Variants in RBPJ observed in about 807,000 individuals in gnomAD.
RBPJ encodes the protein recombining binding protein suppressor of hairless.
RBPJ carries 9 observed loss-of-function variants against 67.8 expected under a neutral mutation model. That is an observed-to-expected ratio of 0.13 (90% CI 0.08 to 0.23). The LOEUF (loss-of-function observed/expected upper bound fraction) is 0.23. RBPJ is among the 10% of genes least tolerant of loss of function. RBPJ has a pLI of 1.00. For missense variants in RBPJ, 305 were observed against 595.6 expected (o/e 0.51, Z 5.08); for synonymous variants, 198 against 203.3 (o/e 0.97, Z 0.22).
intron 1 of RBPJ, among the ~76,000 whole-genome samples, chr4:26,267,949 T>TA (rs966958309): frequency 6.0e-5 from 9 of 150,912 alleles, no homozygotes; most frequent in South Asian, 4.2e-4. Flanking sequence ...GCCGAAGTCA[T>TA]AAAAAAAAAG....
At chr4:26,128,907 G>A in the RBPJ span, among the ~76,000 whole-genome samples, 273 of 152,232 alleles carry the variant, frequency 1.8e-3, no homozygotes, top group African/African-American at 2.9e-3. Context: ...CTTGTCTGCC[G>A]CCATGTAAGA....
chr4:26,270,432 AGAAAGAAG>A lies in RBPJ; in HGVS notation c.-166-92013_-166-92006del, dbSNP rs1560237987. On this transcript the variant is annotated intron_variant, in intron 1 of 4. Transcript: ENST00000512351. Reference sequence around the variant, plus strand: ...AAGAAAGAAAGAAAGAAAGAAAGAAAGAAAGAAGAAAGAAAGAAAGAAAGAAAAGAAAA... The same window carrying A: ...AAGAAAGAAAGAAAGAAAGAAAGAAAAAAGAAAGAAAGAAAGAAAAGAAAA... Among the ~76,000 whole-genome samples, 84 of 63,324 alleles carry A rather than the reference AGAAAGAAG, an allele frequency of 1.3e-3. 3 individuals are homozygous for A. Among genetic ancestry groups the A allele is most frequent in the Middle Eastern group, 0.01 (1 of 98 alleles). 41.5% of individuals were successfully genotyped at this position (63,324 alleles called of 152,430 possible).
At chr4:26,415,344 A>G (rs1734457789) in intron 3 of RBPJ, 131 bp from the exon 4 acceptor site, 1 of 805,004 alleles carries the variant, frequency 1.2e-6, no homozygotes, top group Non-Finnish European at 1.9e-6. Flanking sequence ...AGGCTTCACC[A>G]AAATTTTTCA....
rs1290572987 is a variant in RBPJ, at chr4:26,334,047, CT to C, written c.20+13012del. On this transcript the variant is annotated intron_variant, in intron 1 of 10. Coordinates refer to ENST00000355476, the MANE Select transcript of RBPJ (RefSeq NM_015874.6). ...AGTTAATCCAACTTTTCTGCCTTTT[CT>C]TTTTTTTTTTTTGATGGAGTCTCGC... Among the ~76,000 whole-genome samples, 692 of 142,228 alleles carry C rather than the reference CT, an allele frequency of 4.9e-3. 9 individuals carry two copies. Among genetic ancestry groups the C allele is most frequent in the Non-Finnish European group, 3.9e-3 (253 of 64,674 alleles). The allele number at this position is 142,228 out of a possible 152,430, so 93.3% of individuals were successfully genotyped here.
intron 7 of RBPJ, among the ~76,000 whole-genome samples, chr4:26,426,272 A>C (rs1165887781): frequency 6.6e-6 from 1 of 152,188 alleles, no homozygotes; most frequent in African/African-American, 2.4e-5. Context: ...TAGGAGGATG[A>C]TTCTGATCAC....
At chr4:26,309,559 A>C (rs1423182183) in intron 1 of RBPJ, among the ~76,000 whole-genome samples, 1 of 152,212 alleles carries the variant, frequency 6.6e-6, no homozygotes, top group Non-Finnish European at 1.5e-5. Flanking sequence ...AAACTTGCTC[A>C]AAGTTGGGCA....
chr4:26,139,022 G>A, the RBPJ span, among the ~76,000 whole-genome samples: 3 of 152,206 alleles, frequency 2.0e-5, no homozygotes, highest in Non-Finnish European at 2.9e-5. Context: ...AAAGGGCTGG[G>A]CCAGCTCAGG....
intron 3 of RBPJ, chr4:26,410,059 C>G: frequency 2.2e-6 from 1 of 455,158 alleles, no homozygotes; most frequent in Non-Finnish European, 4.4e-6. Context: ...TAGTAAAGGA[C>G]TGCTAATGCT....
intron 1 of RBPJ, among the ~76,000 whole-genome samples, chr4:26,353,546 C>CTT (rs1727022484): frequency 6.6e-6 from 1 of 151,332 alleles, no homozygotes; most frequent in African/African-American, 2.4e-5. Flanking sequence ...ATTAGACAAC[C>CTT]TTTTTATACT....
intron 1 of RBPJ, among the ~76,000 whole-genome samples, chr4:26,261,273 G>A (rs1720523307): frequency 6.6e-6 from 1 of 151,690 alleles, no homozygotes; most frequent in African/African-American, 2.4e-5. Flanking sequence ...GAAGGAATAG[G>A]AAGAAAAGAG....
chr4:26,361,454 T>G (rs1168012857), intron 1 of RBPJ, among the ~76,000 whole-genome samples: 2 of 152,136 alleles, frequency 1.3e-5, no homozygotes, highest in East Asian at 3.9e-4. Flanking sequence ...TCCTTAGCAC[T>G]TACTTTTTAG....
chr4:26,122,032 G>A, the RBPJ span, among the ~76,000 whole-genome samples: 2 of 151,862 alleles, frequency 1.3e-5, no homozygotes, highest in East Asian at 3.9e-4. Context: ...GCACATGATC[G>A]GTTCAGGCAT....
At chr4:26,247,905 G>A (rs978248370) in intron 1 of RBPJ, among the ~76,000 whole-genome samples, 2 of 152,030 alleles carry the variant, frequency 1.3e-5, no homozygotes, top group African/African-American at 4.8e-5. Flanking sequence ...TCACTATTTG[G>A]GTGATGGATT....
chr4:26,249,785 T>C (rs924444866), intron 1 of RBPJ, among the ~76,000 whole-genome samples: 2 of 150,420 alleles, frequency 1.3e-5, no homozygotes, highest in African/African-American at 4.9e-5. Context: ...TTCTCTTTTT[T>C]TTTTTCTTTT....
intron 2 of RBPJ, among the ~76,000 whole-genome samples, chr4:26,390,285 C>T (rs1292205845): frequency 6.6e-6 from 1 of 152,164 alleles, no homozygotes; most frequent in African/African-American, 2.4e-5. Flanking sequence ...GAAAAAACTA[C>T]ATTTAACAAC....
At chr4:26,180,069 G>A (rs1247333816) in intron 1 of RBPJ, among the ~76,000 whole-genome samples, 1 of 152,022 alleles carries the variant, frequency 6.6e-6, no homozygotes, top group Non-Finnish European at 1.5e-5. Context: ...AACTAGCACA[G>A]GAACAAAAAA....
intron 1 of RBPJ, among the ~76,000 whole-genome samples, chr4:26,170,502 C>T (rs1716534985): frequency 6.6e-6 from 1 of 150,856 alleles, no homozygotes; most frequent in Non-Finnish European, 1.5e-5. Flanking sequence ...CCTTGCAGTG[C>T]CACTGCACTC....
intron 1 of RBPJ, among the ~76,000 whole-genome samples, chr4:26,375,094 G>T (rs1180478489): frequency 6.6e-6 from 1 of 151,966 alleles, no homozygotes; most frequent in Non-Finnish European, 1.5e-5. Flanking sequence ...CCGGAGCTCA[G>T]GAGTTTGAGA....
chr4:26,196,079 G>T (rs560711278), intron 1 of RBPJ, among the ~76,000 whole-genome samples: 1 of 152,240 alleles, frequency 6.6e-6, no homozygotes, highest in African/African-American at 2.4e-5. Flanking sequence ...CAGCCTCTGG[G>T]TACATACCCA....
Sources: gnomAD v4.1 joint callset for allele counts (sites outside exome capture counted in the v4.1 genomes callset) on GRCh38, gnomAD v4.1.1 for gene constraint, MANE v1.5 for transcripts, NCBI Gene and HGNC (gene_info 2026-07-23, HGNC 2026-07-21) for gene names.